PTPRG: variants seen among roughly 807,000 people sequenced by gnomAD.
PTPRG encodes the protein protein tyrosine phosphatase receptor type G, also known as receptor-type tyrosine-protein phosphatase gamma.
In PTPRG, 102 loss-of-function variants were observed where a neutral mutation model predicts 165.3. That is an observed-to-expected ratio of 0.62 (90% CI 0.53 to 0.73). The LOEUF (loss-of-function observed/expected upper bound fraction) is 0.73. Among genes scored for constraint, PTPRG ranks in the 30% least tolerant of loss-of-function variants. The pLI, the probability that PTPRG is intolerant of heterozygous loss-of-function variation, is 0.00. For missense variants in PTPRG, 1,866 were observed against 1,861.4 expected, an observed-to-expected ratio of 1.00 and a Z score of -0.05; for synonymous variants, 675 against 669.5, an observed-to-expected ratio of 1.01 and a Z score of -0.13.
chr3:62,033,048 C>A (rs1478794433), intron 4 of PTPRG, among the ~76,000 whole-genome samples: 1 of 152,182 alleles, frequency 6.6e-6, no homozygotes, highest in East Asian at 1.9e-4. Context: ...CTGTGACATG[C>A]TGGTATAGAT....
chr3:61,644,008 C>A (rs139239455), intron 1 of PTPRG, among the ~76,000 whole-genome samples: 21 of 152,220 alleles, frequency 1.4e-4, no homozygotes, highest in African/African-American at 5.1e-4. Context: ...TGTACACAGC[C>A]CCTACCCTAA....
At chr3:62,220,231 AGCCTTGTGGGCCATTGTTAATGCACT>A (rs1473986958) in intron 13 of PTPRG, among the ~76,000 whole-genome samples, 7 of 152,256 alleles carry the variant, frequency 4.6e-5, no homozygotes, top group Non-Finnish European at 1.0e-4. Flanking sequence ...CATGCTGCAC[AGCCTTGTGGGCCATTGTTAATGCACT>A]GCCTTTCACT....
At chr3:62,145,420 G>C (rs755467071) in intron 6 of PTPRG, among the ~76,000 whole-genome samples, 1 of 152,154 alleles carries the variant, frequency 6.6e-6, no homozygotes, top group Non-Finnish European at 1.5e-5. Context: ...TGGAAACCAC[G>C]TGATGACAGG....
In PTPRG at chr3:61,740,741, T is replaced by G. The variant is rs572590833; in HGVS notation, c.86-8137T>G. Among the ~76,000 whole-genome samples, 5 of 152,334 alleles carry G rather than the reference T, an allele frequency of 3.3e-5. No homozygotes were observed. In the East Asian group the frequency reaches 9.6e-4, roughly 29 times the overall value. On this transcript the variant is annotated intron_variant, in intron 1 of 29. Transcript: ENST00000474889. ...TTGCCTCTGAGTTTCAGTACTTTAT[T>G]TTACTTAAAAAACATCATGGCTCTA...
At chr3:62,038,580 A>G (rs75853348) in intron 4 of PTPRG, among the ~76,000 whole-genome samples, 2 of 152,218 alleles carry the variant, frequency 1.3e-5, no homozygotes, top group African/African-American at 2.4e-5. Context: ...ATATTTTTGT[A>G]GAGAGAGGGT....
chr3:61,922,616 CAT>C (rs1039201504), intron 2 of PTPRG, among the ~76,000 whole-genome samples: 1 of 152,208 alleles, frequency 6.6e-6, no homozygotes, highest in Non-Finnish European at 1.5e-5. Context: ...CCTCAGCTGT[CAT>C]ATAACTTGCT....
chr3:62,092,882 C>T (rs1378848281), intron 5 of PTPRG, among the ~76,000 whole-genome samples: 8 of 152,128 alleles, frequency 5.3e-5, no homozygotes, highest in African/African-American at 1.4e-4. Flanking sequence ...TGGGAAGGGT[C>T]GTTAACCTGC....
At chr3:61,940,674 TTA>T (rs1553694277) in intron 2 of PTPRG, among the ~76,000 whole-genome samples, 30,787 of 148,150 alleles carry the variant, frequency 0.21, 3,105 homozygotes, top group East Asian at 0.45. Flanking sequence ...TATTTATTTT[TTA>T]TTTTTTTGAC....
chr3:61,804,760 G>GT (rs1216084855), intron 2 of PTPRG, among the ~76,000 whole-genome samples: 2 of 151,650 alleles, frequency 1.3e-5, no homozygotes, highest in African/African-American at 4.8e-5. Context: ...AAAAGTTCAC[G>GT]TTTCTGTTTC....
At chr3:62,184,475 C>A (rs1441206533) in intron 8 of PTPRG, among the ~76,000 whole-genome samples, 2 of 152,172 alleles carry the variant, frequency 1.3e-5, no homozygotes, top group African/African-American at 4.8e-5. Flanking sequence ...TCCCTGAGGC[C>A]ATTTCTCTGG....
intron 2 of PTPRG, among the ~76,000 whole-genome samples, chr3:61,826,734 A>G (rs1461570640): frequency 1.3e-5 from 2 of 152,126 alleles, no homozygotes; most frequent in African/African-American, 4.8e-5. Context: ...TTTTGTAAGC[A>G]AAGATGCCTG....
intron 1 of PTPRG, among the ~76,000 whole-genome samples, chr3:61,590,013 G>A (rs1700527445): frequency 6.6e-6 from 1 of 152,086 alleles, no homozygotes; most frequent in African/African-American, 2.4e-5. Context: ...GAGGGTTTCA[G>A]ACTGATGCTT....
chr3:61,671,908 C>T (rs928245761), intron 1 of PTPRG, among the ~76,000 whole-genome samples: 6 of 146,240 alleles, frequency 4.1e-5, no homozygotes, highest in East Asian at 2.1e-4. Context: ...CTGATCCCCC[C>T]ACCTCCCTCC....
At chr3:62,045,593 A>G (rs1700263103) in intron 4 of PTPRG, among the ~76,000 whole-genome samples, 2 of 152,224 alleles carry the variant, frequency 1.3e-5, no homozygotes, top group African/African-American at 4.8e-5. Flanking sequence ...ATTGCCCTCA[A>G]TGCTGCTGTT....
chr3:62,003,611 TCC>T, intron 4 of PTPRG, 114 bp downstream of exon 4: 1 of 1,336,132 alleles, frequency 7.5e-7, no homozygotes, highest in Non-Finnish European at 1.0e-6. Flanking sequence ...GTACCTAACT[TCC>T]TCTCTCTGGA....
At chr3:61,707,838 G>A (rs1186725372) in intron 1 of PTPRG, among the ~76,000 whole-genome samples, 2 of 152,064 alleles carry the variant, frequency 1.3e-5, no homozygotes, top group African/African-American at 4.8e-5. Flanking sequence ...GCCTAGGCTG[G>A]AGTGCAGTGG....
rs918057332 is a variant in PTPRG at position 61,919,256 on chromosome 3, A to G, written c.191-70369A>G. 2.0e-5 allele frequency among the ~76,000 whole-genome samples: 3 copies of G among 152,124 alleles called. No homozygotes were observed. The South Asian group carries it at 6.2e-4, about 32-fold the overall frequency. On this transcript the variant is annotated intron_variant, in intron 2 of 29. Transcript: ENST00000474889. ...TTTCGGTGCTGCGTTGAGGTTGGAG[A>G]TACAGATGTGGTTGATCATGCACAG...
At chr3:62,015,450 G>A (rs2041521026) in intron 4 of PTPRG, among the ~76,000 whole-genome samples, 1 of 152,218 alleles carries the variant, frequency 6.6e-6, no homozygotes, top group African/African-American at 2.4e-5. Context: ...GTTTTCAGCA[G>A]AGAATGTTCT....
chr3:61,662,078 A>G (rs958003122), intron 1 of PTPRG, among the ~76,000 whole-genome samples: 1 of 152,330 alleles, frequency 6.6e-6, no homozygotes, highest in South Asian at 2.1e-4. Context: ...AATTAACCCA[A>G]GTTCTCCTGA....
Sources: gnomAD v4.1 joint callset for allele counts (sites outside exome capture counted in the v4.1 genomes callset) on GRCh38, gnomAD v4.1.1 for gene constraint, MANE v1.5 for transcripts, NCBI Gene and HGNC (gene_info 2026-07-23, HGNC 2026-07-21) for gene names.